The following NELL2 variants were observed in gnomAD, a reference collection of about 807,000 sequenced individuals.
NELL2 encodes the protein neural EGFL like 2, also known as protein kinase C-binding protein NELL2.
In NELL2, 41 loss-of-function variants were observed where a neutral mutation model predicts 109.6. The observed-to-expected ratio is 0.37, with a 90% CI of 0.29 to 0.49. The LOEUF (loss-of-function observed/expected upper bound fraction) is 0.49, where lower values mean the gene tolerates loss of function less well. Ranked by LOEUF, NELL2 falls within the 20% of genes least tolerant of loss-of-function variation. The pLI, the probability that NELL2 is intolerant of heterozygous loss-of-function variation, is 0.98. For missense variants in NELL2, 900 were observed against 1,008.3 expected (o/e 0.89, Z 1.45); for synonymous variants, 355 against 344.7 (o/e 1.03, Z -0.33).
intron 9 of NELL2, among the ~76,000 whole-genome samples, chr12:44,768,973 C>T (rs1236815812): frequency 6.7e-6 from 1 of 149,758 alleles, no homozygotes; most frequent in Non-Finnish European, 1.5e-5. Flanking sequence ...CCATAGCCTA[C>T]ATAAATTATG....
At position 44,624,996 on chromosome 12, in the gene NELL2, GTATATATATATATATA is replaced by G. The variant is rs3072882; in HGVS notation, c.1445-14042_1445-14027del. ...ATGACAAATATATATATATGTGTGT[GTATATATATATATATA>G]TATATATATATATATATATATTTCT... On this transcript the variant is annotated intron_variant, in intron 13 of 19. Transcript: ENST00000429094. Among the ~76,000 whole-genome samples, 204 of 71,120 alleles carry G rather than the reference GTATATATATATATATA, an allele frequency of 2.9e-3. 1 individual carries two copies. Among genetic ancestry groups the G allele is most frequent in the African/African-American group, 9.8e-3 (179 of 18,198 alleles). The allele number at this position is 71,120 out of a possible 152,430, so 46.7% of individuals were successfully genotyped here.
chr12:44,631,039 CT>C (rs1946437442), intron 13 of NELL2, among the ~76,000 whole-genome samples: 1 of 151,868 alleles, frequency 6.6e-6, no homozygotes. Context: ...GAAAATGTTT[CT>C]GATTGGAACC....
intron 12 of NELL2, 66 bp from the exon 13 acceptor site, chr12:44,665,675 C>A (rs1404882142): frequency 1.0e-5 from 15 of 1,479,038 alleles, no homozygotes; most frequent in Non-Finnish European, 1.2e-5. Flanking sequence ...ATATAATTTT[C>A]TTTGGTAGGG....
intron 2 of NELL2, among the ~76,000 whole-genome samples, chr12:44,829,589 A>C (rs1943822260): frequency 6.6e-6 from 1 of 152,204 alleles, no homozygotes; most frequent in Non-Finnish European, 1.5e-5. Context: ...TTCTTTAAAG[A>C]AAAGAAAAAA....
chr12:44,693,443 A>G (rs1216642476), intron 12 of NELL2, among the ~76,000 whole-genome samples: 1 of 152,204 alleles, frequency 6.6e-6, no homozygotes, highest in East Asian at 1.9e-4. Flanking sequence ...AACCAGCAAT[A>G]TCTCCAAGGT....
At chr12:44,509,587 A>T (rs893146913) in intron 19 of NELL2, among the ~76,000 whole-genome samples, 2 of 152,138 alleles carry the variant, frequency 1.3e-5, no homozygotes, top group African/African-American at 4.8e-5. Context: ...TCTATCTACC[A>T]TGTGATACAA....
chr12:44,539,308 T>C (rs757038991), intron 15 of NELL2, among the ~76,000 whole-genome samples: 1 of 152,160 alleles, frequency 6.6e-6, no homozygotes, highest in Non-Finnish European at 1.5e-5. Context: ...ATTTATTAGT[T>C]GGTGGACTTC....
intron 15 of NELL2, among the ~76,000 whole-genome samples, chr12:44,583,903 G>T (rs375185904): frequency 2.0e-5 from 3 of 152,164 alleles, no homozygotes; most frequent in Non-Finnish European, 2.9e-5. Flanking sequence ...CTCCCGAACA[G>T]CTGGGACTAC....
chr12:44,571,234 TAA>T (rs1943863043), intron 15 of NELL2, among the ~76,000 whole-genome samples: 1 of 152,190 alleles, frequency 6.6e-6, no homozygotes, highest in Non-Finnish European at 1.5e-5. Context: ...GGGCAATCGT[TAA>T]AGAGTTTCAG....
intron 16 of NELL2, among the ~76,000 whole-genome samples, chr12:44,530,816 A>G (rs1942017994): frequency 6.6e-6 from 1 of 152,166 alleles, no homozygotes; most frequent in Non-Finnish European, 1.5e-5. Flanking sequence ...ATATAAGAAG[A>G]GCACAGTCCT....
chr12:44,802,876 T>G (rs970646594), intron 3 of NELL2, among the ~76,000 whole-genome samples: 3 of 151,946 alleles, frequency 2.0e-5, no homozygotes, highest in Admixed American at 6.6e-5. Context: ...GGTCAAGGGA[T>G]GTAAAGGCAG....
At chr12:44,870,002 C>T (rs1450777905) in intron 2 of NELL2, among the ~76,000 whole-genome samples, 1 of 152,162 alleles carries the variant, frequency 6.6e-6, no homozygotes, top group Non-Finnish European at 1.5e-5. Flanking sequence ...TAGCTAAAAT[C>T]TAAGTTCATT....
chr12:44,662,656 G>C (rs1947785559), intron 13 of NELL2, among the ~76,000 whole-genome samples: 3 of 151,820 alleles, frequency 2.0e-5, no homozygotes, highest in Admixed American at 2.0e-4. Context: ...TTGTATGCCA[G>C]AGTTACTAGG....
intron 13 of NELL2, among the ~76,000 whole-genome samples, chr12:44,617,964 C>T (rs892518676): frequency 1.3e-5 from 2 of 151,930 alleles, no homozygotes; most frequent in African/African-American, 4.8e-5. Flanking sequence ...TTCTTGTTTC[C>T]AAAACCCCAC....
intron 9 of NELL2, among the ~76,000 whole-genome samples, chr12:44,716,814 G>A (rs573075565): frequency 3.9e-5 from 6 of 152,130 alleles, no homozygotes; most frequent in Admixed American, 2.0e-4. Flanking sequence ...ACACAGAGGG[G>A]AAAGGAAACA....
chr12:44,813,903 C>A (rs1943254631), intron 3 of NELL2, among the ~76,000 whole-genome samples: 1 of 152,080 alleles, frequency 6.6e-6, no homozygotes, highest in South Asian at 2.1e-4. Flanking sequence ...GACAGCAAAC[C>A]ACCTGATGAA....
In NELL2 at chr12:44,607,234, C is replaced by T; in HGVS notation, c.1598G>A (p.Gly533Glu). Residue 533 changes from glycine (G) to glutamate (E), a missense_variant, in exon 15 of 20, where the codon GGA (glycine) becomes GAA (glutamate). Transcript: ENST00000429094. ...AFCKDGCRNG[G>E]ACIAANVCAC... ...ACACACATTAGCGGCAATACAGGCT[C>T]CTCCATTCCTACAGCCATCTTTGCA... is the stretch of plus-strand genomic sequence containing the variant. 1 of 1,612,546 alleles carries T rather than the reference C, an allele frequency of 6.2e-7. No homozygotes were observed. The highest frequency in any genetic ancestry group is 8.5e-7 in the Non-Finnish European group (1 of 1,179,128).
chr12:44,789,893 G>A, intron 3 of NELL2, among the ~76,000 whole-genome samples: 1 of 151,984 alleles, frequency 6.6e-6, no homozygotes, highest in East Asian at 1.9e-4. Flanking sequence ...TCAAAGACAA[G>A]GTCTTCGAAT....
intron 3 of NELL2, among the ~76,000 whole-genome samples, chr12:44,794,510 G>C (rs1942549833): frequency 1.3e-5 from 2 of 152,064 alleles, no homozygotes; most frequent in Admixed American, 1.3e-4. Flanking sequence ...ACAGCACCCC[G>C]GTCAGTTATG....
Sources: gnomAD v4.1 joint callset for allele counts (sites outside exome capture counted in the v4.1 genomes callset) on GRCh38, gnomAD v4.1.1 for gene constraint, MANE v1.5 for transcripts, NCBI Gene and HGNC (gene_info 2026-07-23, HGNC 2026-07-21) for gene names.